The following BCCIP variants were observed in gnomAD, a reference collection of about 807,000 sequenced individuals.
BCCIP encodes the protein BRCA2 and CDKN1A-interacting protein.
Under a neutral mutation model 32.8 loss-of-function variants are expected in BCCIP, and 23 were observed. The ratio of observed to expected loss-of-function variants is 0.70; its 90% CI spans 0.51 to 0.99. The LOEUF (loss-of-function observed/expected upper bound fraction) is 0.99, where lower values mean the gene tolerates loss of function less well. Ranked by LOEUF, BCCIP falls within the 50% of genes least tolerant of loss-of-function variation. The pLI is 0.00. For synonymous variants in BCCIP, 144 were observed against 137.6 expected (o/e 1.05, Z -0.33); for missense variants, 378 against 379.8 (o/e 1.00, Z 0.04).
rs1589703512 is a variant in BCCIP at position 125,841,555 on chromosome 10, T to A, written c.*196T>A. On this transcript the variant is annotated 3_prime_UTR_variant, in exon 7 of 7. Transcript: ENST00000299130. ...CTTTGAGTTAGTTTTCTTAAGATAA[T>A]TTTTCATATTAAGAAAATTTTCCTT... 5 of 1,429,496 alleles carry A rather than the reference T, an allele frequency of 3.5e-6. No individual in the cohort carries two copies. The East Asian group carries it at 1.0e-4, about 29-fold the overall frequency. The allele number at this position is 1,429,496 out of a possible 1,614,324, so 88.6% of individuals were successfully genotyped here.
chr10:125,838,971 C>CTA, downstream of BCCIP: 1 of 1,600,356 alleles, frequency 6.2e-7, no homozygotes, highest in Non-Finnish European at 8.5e-7. Context: ...TCAGCAGAGC[C>CTA]TATGCTGAGG....
chr10:125,831,347 A>G, intron 4 of BCCIP, 73 bp from the exon 5 acceptor site: 4 of 1,438,486 alleles, frequency 2.8e-6, no homozygotes, highest in Non-Finnish European at 2.9e-6. Context: ...GAAAAGTGAT[A>G]GCTTTTACTC....
intron 7 of BCCIP, chr10:125,852,703 A>T: frequency 6.9e-7 from 1 of 1,455,532 alleles, no homozygotes; most frequent in Non-Finnish European, 9.4e-7. Context: ...AGGCTCACTG[A>T]TCCTGAAGAG....
At chr10:125,845,993 G>A (rs961319973), downstream of BCCIP, among the ~76,000 whole-genome samples, 3 of 152,170 alleles carry the variant, frequency 2.0e-5, no homozygotes, top group Admixed American at 1.3e-4. Flanking sequence ...CACTCCCACC[G>A]CCCAGGCCTC....
chr10:125,831,189 G>A (rs536565249), intron 4 of BCCIP, among the ~76,000 whole-genome samples: 1 of 152,300 alleles, frequency 6.6e-6, no homozygotes, highest in East Asian at 1.9e-4. Flanking sequence ...ATTCCAGTGT[G>A]TCTGAATGTT....
exon 7 of BCCIP, chr10:125,841,828 A>G: frequency 6.2e-7 from 1 of 1,613,918 alleles, no homozygotes; most frequent in Non-Finnish European, 8.5e-7. Context: ...GTTGTGGATC[A>G]AGAGGAAACT....
At chr10:125,850,354 CTTTT>C (rs765077777) in intron 7 of BCCIP, among the ~76,000 whole-genome samples, 8 of 124,562 alleles carry the variant, frequency 6.4e-5, no homozygotes, top group East Asian at 2.2e-4. Flanking sequence ...TTCTTTCTTT[CTTTT>C]TTTTTTTTTT....
downstream of BCCIP, among the ~76,000 whole-genome samples, chr10:125,840,171 A>G (rs1163407842): frequency 6.6e-6 from 1 of 152,196 alleles, no homozygotes; most frequent in East Asian, 1.9e-4. Context: ...AGCCTCTGCT[A>G]TGCTGCTTTG....
rs1420516452 is a variant in BCCIP at position 125,823,551 on chromosome 10, C to T, written c.-7C>T. 2 of 1,613,030 alleles carry T rather than the reference C, an allele frequency of 1.2e-6. No homozygotes were observed. The highest frequency in any genetic ancestry group is 2.2e-5 in the East Asian group (1 of 44,860). ...GGAAGCTGCGCAGGCGCAGTGTGAGCGGCAACATGGCGTCCAGGTCTAAGC... is the reference window on the plus strand; with the variant it reads ...GGAAGCTGCGCAGGCGCAGTGTGAGTGGCAACATGGCGTCCAGGTCTAAGC... On this transcript the variant is annotated 5_prime_UTR_variant, in exon 1 of 7. Coordinates refer to ENST00000278100, the MANE Select transcript of BCCIP (RefSeq NM_078468.3).
chr10:125,836,977 AACTCAGATAGT>A, downstream of BCCIP: 2 of 792,152 alleles, frequency 2.5e-6, no homozygotes, highest in African/African-American at 1.7e-5. Context: ...ATTTAATTTG[AACTCAGATAGT>A]ATCTCAGTCC....
downstream of BCCIP, chr10:125,836,896 A>G (rs1182109088): frequency 1.9e-6 from 3 of 1,576,326 alleles, no homozygotes; most frequent in Non-Finnish European, 2.6e-6. Flanking sequence ...TGAGTGGGGA[A>G]GGTGGTGAGA....
At chr10:125,841,201 T>G (rs200577906), downstream of BCCIP, 13 of 1,414,292 alleles carry the variant, frequency 9.2e-6, no homozygotes, top group South Asian at 2.4e-5. Flanking sequence ...GTGTGTGTGT[T>G]TGCTTTTCTA....
At chr10:125,825,382 A>G (rs374623909) in intron 1 of BCCIP, 22 of 152,248 alleles carry the variant, frequency 1.4e-4, no homozygotes, top group African/African-American at 4.1e-4. Context: ...TACAGAATGT[A>G]TTTATATCTA....
chr10:125,848,593 C>G (rs969792062), intron 7 of BCCIP, among the ~76,000 whole-genome samples: 3 of 152,290 alleles, frequency 2.0e-5, no homozygotes, highest in Non-Finnish European at 4.4e-5. Context: ...AAGTCCAGTG[C>G]TGTTGCTGTT....
At chr10:125,847,802 A>G (rs1396310990), downstream of BCCIP, among the ~76,000 whole-genome samples, 1 of 152,138 alleles carries the variant, frequency 6.6e-6, no homozygotes, top group Non-Finnish European at 1.5e-5. Flanking sequence ...ATCAGGCATT[A>G]GATTCTCATA....
chr10:125,839,090 T>C (rs767302873), downstream of BCCIP: 1 of 1,614,248 alleles, frequency 6.2e-7, no homozygotes, highest in South Asian at 1.1e-5. Context: ...GGAAGCTCGA[T>C]TCGCTTGATA....
chr10:125,848,825 T>C (rs572428866), intron 7 of BCCIP, among the ~76,000 whole-genome samples: 1 of 152,346 alleles, frequency 6.6e-6, no homozygotes, highest in African/African-American at 2.4e-5. Context: ...CTAAGGGGCA[T>C]GCATATGTTA....
intron 3 of BCCIP, among the ~76,000 whole-genome samples, chr10:125,830,277 G>A (rs1590052855): frequency 6.6e-6 from 1 of 152,144 alleles, no homozygotes; most frequent in Non-Finnish European, 1.5e-5. Flanking sequence ...ACTTAATCTG[G>A]TACAAAGAAA....
intron 6 of BCCIP, among the ~76,000 whole-genome samples, chr10:125,835,172 A>G (rs1481523001): frequency 6.6e-6 from 1 of 152,018 alleles, no homozygotes; most frequent in East Asian, 1.9e-4. Context: ...TGAGGGGAAC[A>G]TATTTTCCTG....
Sources: allele counts gnomAD v4.1 joint callset (sites outside exome capture counted in the v4.1 genomes callset), GRCh38; gene constraint gnomAD v4.1.1; transcripts MANE v1.5; gene names NCBI Gene and HGNC (gene_info 2026-07-23, HGNC 2026-07-21).